PIEZO1: variants seen among roughly 807,000 people sequenced by gnomAD.
The protein encoded by PIEZO1 is piezo-type mechanosensitive ion channel component 1.
PIEZO1 carries 296 observed loss-of-function variants against 297.2 expected under a neutral mutation model. The observed-to-expected ratio is 1.00, with a 90% confidence interval of 0.91 to 1.10. The LOEUF is 1.10. Ranked by LOEUF, PIEZO1 falls within the 50% of genes least tolerant of loss-of-function variation. The pLI is 0.00. For synonymous variants in PIEZO1, 2,427 were observed against 1,507.5 expected (o/e 1.61, Z -14.13); for missense variants, 5,018 against 3,455.5 (o/e 1.45, Z -11.34).
intron 2 of PIEZO1, among the ~76,000 whole-genome samples, chr16:88,749,067 C>T (rs1264858869): frequency 6.6e-6 from 1 of 151,502 alleles, no homozygotes; most frequent in Non-Finnish European, 1.5e-5. Flanking sequence ...GAAACCCCGT[C>T]TCTACTAAAA....
chr16:88,757,253 C>A (rs1264736119), intron 1 of PIEZO1, among the ~76,000 whole-genome samples: 1 of 146,694 alleles, frequency 6.8e-6, no homozygotes, highest in African/African-American at 2.5e-5. Context: ...GGAGGAGGGA[C>A]CTCGAGAGAG....
intron 2 of PIEZO1, among the ~76,000 whole-genome samples, chr16:88,744,688 G>T (rs545988818): frequency 2.0e-5 from 3 of 151,612 alleles, no homozygotes; most frequent in East Asian, 3.9e-4. Flanking sequence ...TCAGTTCTCG[G>T]GCCGGCCAGA....
chr16:88,720,641 G>C lies in PIEZO1; in HGVS notation c.5776C>G (p.Arg1926Gly). The C allele has an allele frequency of 6.5e-7, 1 of 1,539,094 alleles. No individual in the cohort carries two copies. Among genetic ancestry groups the C allele is most frequent in the South Asian group, 1.2e-5 (1 of 83,458 alleles). ...SGGRVRAAGR[R>G]LQGFCLSLAQ... ...AGGGACAGGCAGAAGCCCTGCAGCC[G>C]CCGCCCGGCCGCCCTTACTCTTCCT... is the stretch of plus-strand genomic sequence containing the variant. Residue 1926 changes from arginine (R) to glycine (G), a missense_variant, in exon 40 of 51, where the codon CGG (arginine) becomes GGG (glycine). Physicochemically the swap from Arg to Gly is moderately radical, Grantham distance 125 (BLOSUM62 -2). Transcript: ENST00000301015.
At chr16:88,739,036 A>G (rs1431502901) in intron 5 of PIEZO1, 3 of 489,392 alleles carry the variant, frequency 6.1e-6, no homozygotes, top group African/African-American at 1.9e-5. Flanking sequence ...TGCCAGGTAC[A>G]GACAGACCAC....
At chr16:88,766,469 C>T (rs1001700803) in intron 1 of PIEZO1, among the ~76,000 whole-genome samples, 4 of 152,228 alleles carry the variant, frequency 2.6e-5, no homozygotes, top group Non-Finnish European at 4.4e-5. Flanking sequence ...ATAACAAGCA[C>T]CAGGCTGGTG....
Position 88,744,014 on chromosome 16 carries a change from C to T in PIEZO1, c.161-1592G>A, listed in dbSNP as rs1905872584. The T allele has an allele frequency of 1.5e-5, 3 of 203,310 alleles. No individual in the cohort carries two copies. The South Asian group carries it at 2.1e-4, about 14-fold the overall frequency. The allele number at this position is 203,310 out of a possible 1,614,324, so 12.6% of individuals were successfully genotyped here. On this transcript the variant is annotated intron_variant, in intron 2 of 50. Transcript: ENST00000301015. ...GAGGACAGGACCTTCCAGGGCCTCC[C>T]TGCCCCGAACCCATAGGTGCCAGGC...
rs1309631004 is a variant in PIEZO1, at chr16:88,721,298, C to T, written c.5536G>A (p.Ala1846Thr). The change falls in exon 39 of 51, where the codon GCC (alanine) becomes ACC (threonine). Residue 1846 changes from alanine to threonine, a missense_variant. Transcript: ENST00000301015. Reference protein sequence around the residue: ...ATTEDHIQVEARVGPTDGTPE... With the variant: ...ATTEDHIQVETRVGPTDGTPE... ...GTCCCGTCCGTGGGTCCGACCCTGG[C>T]TTCCACCTGAATGTGGTCTTCGGTG... 7 of 1,545,678 alleles carry T rather than the reference C, an allele frequency of 4.5e-6. No individual in the cohort carries two copies. Among genetic ancestry groups the T allele is most frequent in the South Asian group, 1.2e-5 (1 of 84,050 alleles).
At chr16:88,731,935 TG>T in intron 21 of PIEZO1, 25 bp from the exon 22 acceptor site, 1 of 1,388,478 alleles carries the variant, frequency 7.2e-7, no homozygotes, top group Non-Finnish European at 9.9e-7. Flanking sequence ...GGGCGGGGTG[TG>T]GGGATGCACT....
At position 88,742,284 on chromosome 16, in the gene PIEZO1, C is replaced by T; in HGVS notation, c.283+16G>A. 5 of 1,528,196 alleles carry T rather than the reference C, an allele frequency of 3.3e-6. No homozygotes were observed. The highest frequency in any genetic ancestry group is 4.4e-6 in the Non-Finnish European group (5 of 1,142,060). 94.7% of individuals were successfully genotyped at this position (1,528,196 alleles called of 1,614,324 possible). A position where few individuals can be genotyped will look rare whatever the true frequency, so the allele number is the denominator to read the frequency against. The stretch of plus-strand genomic sequence containing the variant: ...CCCAGGATGGCTATCCCTACCCCGC[C>T]CCCTCAGCGACTCACAGCTGGGTCC... On this transcript the variant is annotated intron_variant, in intron 3 of 50. Coordinates refer to ENST00000301015, the MANE Select transcript of PIEZO1 (RefSeq NM_001142864.4).
intron 34 of PIEZO1, 55 bp downstream of exon 34, chr16:88,722,782 G>A (rs1243077146): frequency 7.2e-6 from 11 of 1,531,606 alleles, no homozygotes; most frequent in South Asian, 2.4e-5. Context: ...CTGTTAAGCA[G>A]GCAGGGGCGT....
At chr16:88,750,568 C>G (rs1265539807) in intron 1 of PIEZO1, among the ~76,000 whole-genome samples, 1 of 152,240 alleles carries the variant, frequency 6.6e-6, no homozygotes, top group Non-Finnish European at 1.5e-5. Context: ...GTGCCTGCAT[C>G]AGTCCCAACC....
chr16:88,760,052 A>G (rs1398525487), intron 1 of PIEZO1, among the ~76,000 whole-genome samples: 1 of 101,242 alleles, frequency 9.9e-6, no homozygotes, highest in East Asian at 3.0e-4. Flanking sequence ...CAAAGGCCCC[A>G]GCGGACGTGA....
chr16:88,715,366 ATTT>A lies in PIEZO1; in HGVS notation c.*236_*238del. The A allele has an allele frequency of 8.3e-7, 1 of 1,208,246 alleles. No individual in the cohort carries two copies. The highest frequency in any genetic ancestry group is 1.1e-6 in the Non-Finnish European group (1 of 879,548). 74.8% of individuals were successfully genotyped at this position (1,208,246 alleles called of 1,614,324 possible). ...GATTGTCCATTTGTATAAATAAAAC[ATTT>A]TTTAATTAAAAAAAAAACTCTACAG... On this transcript the variant is annotated 3_prime_UTR_variant, in exon 51 of 51. Transcript: ENST00000301015.
chr16:88,738,991 G>C (rs1223845853), intron 5 of PIEZO1: 1 of 561,904 alleles, frequency 1.8e-6, no homozygotes, highest in Admixed American at 3.2e-5. Context: ...GAAGACCCAG[G>C]GTCTGTCCTG....
intron 30 of PIEZO1, 51 bp from the exon 31 acceptor site, chr16:88,724,022 G>A (rs986213353): frequency 2.0e-5 from 23 of 1,139,754 alleles, no homozygotes; most frequent in Non-Finnish European, 3.0e-5. Context: ...GAGACTCCCA[G>A]CCAGACCCCC....
Position 88,734,719 on chromosome 16 carries a change from G to C in PIEZO1, c.1928C>G (p.Ala643Gly), listed in dbSNP as rs1338436146. 1 of 1,550,226 alleles carries C rather than the reference G, an allele frequency of 6.5e-7. No homozygotes were observed. The highest frequency in any genetic ancestry group is 8.7e-7 in the Non-Finnish European group (1 of 1,146,928). ...VVAYTMLVLI[A>G]VYTFQFQDFP... ...GTCCTGGAACTGGAAGGTGTAGACG[G>C]CGATGAGGACCAGCATGGTGTAGGC... Residue 643 changes from alanine (A) to glycine (G), a missense_variant, in exon 15 of 51, where the codon GCC becomes GGC. By Grantham distance (60) the Ala-to-Gly change is moderately conservative. Transcript: ENST00000301015.
chr16:88,748,966 G>A lies in PIEZO1; in HGVS notation c.160+418C>T, dbSNP rs868140611. Among the ~76,000 whole-genome samples the A allele has an allele frequency of 1.5e-3, 217 of 145,594 alleles. 1 individual carries two copies. Among genetic ancestry groups the A allele is most frequent in the East Asian group, 2.2e-3 (11 of 4,916 alleles). On this transcript the variant is annotated intron_variant, in intron 2 of 50. Coordinates refer to ENST00000301015, the MANE Select transcript of PIEZO1 (RefSeq NM_001142864.4). ...AAAAAAAAAAAAAAAAGCCGGGCGCGGTGGCTCACGTCTGTAATCCCAGCA... is the reference window on the plus strand; with the variant it reads ...AAAAAAAAAAAAAAAAGCCGGGCGCAGTGGCTCACGTCTGTAATCCCAGCA...
intron 1 of PIEZO1, among the ~76,000 whole-genome samples, chr16:88,752,726 G>A (rs113986653): frequency 6.6e-5 from 10 of 152,198 alleles, no homozygotes; most frequent in African/African-American, 2.2e-4. Context: ...GGCAGAGGAC[G>A]ATGGGGGCAT....
Position 88,755,406 on chromosome 16 carries a change from C to T in PIEZO1, c.65-5927G>A, listed in dbSNP as rs576188572. 1.5e-4 allele frequency among the ~76,000 whole-genome samples: 23 copies of T among 152,354 alleles called. No individual in the cohort carries two copies. The East Asian group carries it at 1.9e-3, about 13-fold the overall frequency. Reference sequence around the variant, plus strand: ...AAAAAAAGAGTGTCTAGTCCTCGTACGTTTCTTCCTAAACAAACCCGGTGC... The same window carrying T: ...AAAAAAAGAGTGTCTAGTCCTCGTATGTTTCTTCCTAAACAAACCCGGTGC... On this transcript the variant is annotated intron_variant, in intron 1 of 50. Transcript: ENST00000301015.
Sources: allele counts gnomAD v4.1 joint callset (sites outside exome capture counted in the v4.1 genomes callset), GRCh38; gene constraint gnomAD v4.1.1; transcripts MANE v1.5; gene names NCBI Gene and HGNC (gene_info 2026-07-23, HGNC 2026-07-21).